CLYBL: variants seen among roughly 807,000 people sequenced by gnomAD.
CLYBL encodes citramalyl-CoA lyase.
A neutral mutation model predicts 38.9 loss-of-function variants in CLYBL; 31 were observed. That is an observed-to-expected ratio of 0.80 (90% CI 0.60 to 1.08). The LOEUF (loss-of-function observed/expected upper bound fraction) is 1.08, where lower values mean the gene tolerates loss of function less well. CLYBL is among the 50% of genes least tolerant of loss of function. The probability of loss-of-function intolerance (pLI) is 0.00; values close to 1 mark genes in which losing one functional copy is unlikely to be tolerated. For missense variants in CLYBL, 434 were observed against 411.6 expected (o/e 1.05, Z -0.47); for synonymous variants, 171 against 158.6 (o/e 1.08, Z -0.59).
intron 1 of CLYBL, among the ~76,000 whole-genome samples, chr13:99,753,756 C>G (rs1048652580): frequency 6.6e-6 from 1 of 152,158 alleles, no homozygotes; most frequent in South Asian, 2.1e-4. Flanking sequence ...ATTTTCTGCA[C>G]TTAGTCAAGT....
intron 1 of CLYBL, among the ~76,000 whole-genome samples, chr13:99,732,768 C>T (rs992792450): frequency 1.2e-4 from 18 of 152,084 alleles, no homozygotes; most frequent in African/African-American, 3.9e-4. Flanking sequence ...TTACCTTTTC[C>T]CTGCCCATCA....
At chr13:99,859,913 G>A (rs1305503537) in intron 3 of CLYBL, among the ~76,000 whole-genome samples, 3 of 152,160 alleles carry the variant, frequency 2.0e-5, no homozygotes, top group South Asian at 2.1e-4. Flanking sequence ...GTTTGTGGTC[G>A]GGGCGAGTGG....
chr13:99,706,012 A>G (rs183057081), intron 1 of CLYBL, among the ~76,000 whole-genome samples: 1 of 151,590 alleles, frequency 6.6e-6, no homozygotes, highest in Admixed American at 6.6e-5. Context: ...GCTCACTGCA[A>G]CCTCCGCCTC....
At chr13:99,752,256 G>A (rs576535481) in intron 1 of CLYBL, among the ~76,000 whole-genome samples, 2 of 152,258 alleles carry the variant, frequency 1.3e-5, no homozygotes, top group East Asian at 3.9e-4. Flanking sequence ...ATGGAAACTT[G>A]TGGCCCTTTC....
chr13:99,715,655 C>T (rs1163016233), intron 1 of CLYBL, among the ~76,000 whole-genome samples: 1 of 152,086 alleles, frequency 6.6e-6, no homozygotes, highest in Non-Finnish European at 1.5e-5. Context: ...TCACTACACC[C>T]GGCCTGTACG....
intron 1 of CLYBL, among the ~76,000 whole-genome samples, chr13:99,716,169 A>AGTTTTTTTTTTTTTTTTTTT (rs1361639397): frequency 3.0e-5 from 1 of 33,434 alleles, no homozygotes; most frequent in African/African-American, 9.9e-5. Flanking sequence ...TATTGGTGTA[A>AGTTTTTTTTTTTTTTTTTTT]TTTTTTTTTT....
intron 1 of CLYBL, among the ~76,000 whole-genome samples, chr13:99,686,634 T>C (rs6491525): frequency 0.067 from 10,229 of 152,256 alleles, 1,163 homozygotes; most frequent in African/African-American, 0.23. Flanking sequence ...TAAAGTATCA[T>C]TTATATACAT....
chr13:99,772,131 T>G lies in CLYBL; in HGVS notation c.63-693T>G, dbSNP rs571157339. ...TTTTTTTTTTCTACTTTTTTACTTT[T>G]AGGTATAATTGTAGATAGTATTGTT... On this transcript the variant is annotated intron_variant, in intron 1 of 8. Transcript: ENST00000339105. Among the ~76,000 whole-genome samples, 38 of 152,344 alleles carry G rather than the reference T, an allele frequency of 2.5e-4. No homozygotes were observed. In the East Asian group the frequency reaches 6.6e-3, roughly 26 times the overall value.
chr13:99,835,389 G>A (rs982892624), intron 2 of CLYBL, among the ~76,000 whole-genome samples: 3 of 152,232 alleles, frequency 2.0e-5, no homozygotes, highest in African/African-American at 7.2e-5. Context: ...ATCCTCATCT[G>A]CATGGCTGAT....
Position 99,804,126 on chromosome 13 carries a change from C to A in CLYBL, c.249+31116C>A, listed in dbSNP as rs1357535313. ...CCCATCAACAAAGGACGCAAGCTTT[C>A]ACTCAACAGGAGAAATAACTGTCTG... On this transcript the variant is annotated intron_variant, in intron 2 of 8. Coordinates refer to ENST00000339105, the MANE Select transcript of CLYBL (RefSeq NM_206808.5). Among the ~76,000 whole-genome samples, 4 of 152,350 alleles carry A rather than the reference C, an allele frequency of 2.6e-5. No individual in the cohort carries two copies. In the East Asian group the frequency reaches 7.7e-4, roughly 29 times the overall value.
intron 1 of CLYBL, among the ~76,000 whole-genome samples, chr13:99,639,225 G>A (rs955292999): frequency 6.6e-5 from 10 of 152,122 alleles, no homozygotes; most frequent in Non-Finnish European, 1.5e-4. Context: ...TAGATGCTGG[G>A]GCATCAGGAG....
At chr13:99,750,654 AAAG>A (rs964036642) in intron 1 of CLYBL, among the ~76,000 whole-genome samples, 1 of 151,614 alleles carries the variant, frequency 6.6e-6, no homozygotes, top group African/African-American at 2.4e-5. Flanking sequence ...AGCCTGGGTG[AAAG>A]AAGGAGACTC....
intron 1 of CLYBL, among the ~76,000 whole-genome samples, chr13:99,677,347 C>G (rs1289601201): frequency 6.6e-6 from 1 of 151,852 alleles, no homozygotes; most frequent in Non-Finnish European, 1.5e-5. Flanking sequence ...AAAAAAAAAG[C>G]TTGTAATTGC....
At chr13:99,907,837 T>C (rs2052712166) in intron 9 of CLYBL, among the ~76,000 whole-genome samples, 1 of 152,114 alleles carries the variant, frequency 6.6e-6, no homozygotes, top group African/African-American at 2.4e-5. Flanking sequence ...TCAAAAACAA[T>C]TAAAAAGACC....
At chr13:99,753,192 GGT>G (rs1192036043) in intron 1 of CLYBL, among the ~76,000 whole-genome samples, 1 of 152,174 alleles carries the variant, frequency 6.6e-6, no homozygotes, top group Non-Finnish European at 1.5e-5. Flanking sequence ...AACTGAGGGT[GGT>G]AAGCAGAGGA....
At chr13:99,866,153 T>TAG in intron 5 of CLYBL, 87 bp from the exon 6 acceptor site, 2 of 1,292,716 alleles carry the variant, frequency 1.5e-6, no homozygotes, top group South Asian at 2.5e-5. Flanking sequence ...GGTTTAGATA[T>TAG]CTGTACAAAC....
At chr13:99,624,009 C>T (rs188238314) in intron 1 of CLYBL, among the ~76,000 whole-genome samples, 205 of 150,586 alleles carry the variant, frequency 1.4e-3, no homozygotes, top group African/African-American at 4.8e-3. Flanking sequence ...CTAGGTATGG[C>T]GTGTATGTAG....
intron 1 of CLYBL, among the ~76,000 whole-genome samples, chr13:99,770,692 C>T (rs1028645022): frequency 1.3e-5 from 2 of 152,130 alleles, no homozygotes; most frequent in African/African-American, 4.8e-5. Context: ...GAGTGAGCCA[C>T]TGCGCCCGGC....
chr13:99,876,783 T>C (rs72654000), intron 7 of CLYBL, among the ~76,000 whole-genome samples: 4,595 of 152,310 alleles, frequency 0.03, 117 homozygotes, highest in Middle Eastern at 0.11. Flanking sequence ...ATATCATAAA[T>C]GTGTCTTCAG....
Sources: gnomAD v4.1 joint callset for allele counts (sites outside exome capture counted in the v4.1 genomes callset) on GRCh38, gnomAD v4.1.1 for gene constraint, MANE v1.5 for transcripts, NCBI Gene and HGNC (gene_info 2026-07-23, HGNC 2026-07-21) for gene names.